NRG1: variants seen among roughly 807,000 people sequenced by gnomAD.
NRG1 encodes neuregulin 1, also known as pro-neuregulin-1, membrane-bound isoform.
Under a neutral mutation model 63.8 loss-of-function variants are expected in NRG1, and 18 were observed. That is an observed-to-expected ratio of 0.28 (90% confidence interval 0.19 to 0.42). The LOEUF (loss-of-function observed/expected upper bound fraction) is 0.42, where lower values mean the gene tolerates loss of function less well. Ranked by LOEUF, NRG1 falls within the 10% of genes least tolerant of loss-of-function variation. The pLI is 1.00. For synonymous variants in NRG1, 302 were observed against 301.3 expected (o/e 1.00, Z -0.02); for missense variants, 762 against 814.7 (o/e 0.94, Z 0.79).
intron 1 of NRG1, among the ~76,000 whole-genome samples, chr8:32,412,453 C>CACAT (rs1554532918): frequency 9.1e-4 from 70 of 76,754 alleles, no homozygotes; most frequent in African/African-American, 3.4e-3. Flanking sequence ...TATATATATA[C>CACAT]ATATATATAT....
intron 1 of NRG1, among the ~76,000 whole-genome samples, chr8:31,836,175 A>G (rs1586724801): frequency 6.6e-6 from 1 of 152,170 alleles, no homozygotes; most frequent in South Asian, 2.1e-4. Flanking sequence ...CTAGTTCATA[A>G]TTTCTTCCAC....
intron 1 of NRG1, among the ~76,000 whole-genome samples, chr8:31,772,469 G>A (rs566665704): frequency 5.3e-5 from 8 of 152,112 alleles, no homozygotes; most frequent in East Asian, 3.9e-4. Flanking sequence ...ATTTTCCTTC[G>A]GATTTTCTCA....
intron 1 of NRG1, among the ~76,000 whole-genome samples, chr8:32,320,579 C>T (rs1210029090): frequency 6.6e-6 from 1 of 152,094 alleles, no homozygotes; most frequent in Non-Finnish European, 1.5e-5. Flanking sequence ...GTGCTACACA[C>T]TTTTAAACAA....
intron 1 of NRG1, among the ~76,000 whole-genome samples, chr8:31,842,249 A>G (rs1356828317): frequency 6.6e-6 from 1 of 152,192 alleles, no homozygotes; most frequent in African/African-American, 2.4e-5. Context: ...ATTCTTTCAT[A>G]AGATCACCTG....
chr8:32,512,996 A>G (rs1350990220), intron 1 of NRG1, among the ~76,000 whole-genome samples: 1 of 152,156 alleles, frequency 6.6e-6, no homozygotes, highest in East Asian at 1.9e-4. Flanking sequence ...AGAATATCCA[A>G]ACAAAGACGG....
At chr8:31,938,744 A>G (rs1801315141) in intron 1 of NRG1, among the ~76,000 whole-genome samples, 1 of 152,214 alleles carries the variant, frequency 6.6e-6, no homozygotes, top group Admixed American at 6.5e-5. Flanking sequence ...AATCAAGGAC[A>G]CACTTAGAGA....
intron 5 of NRG1, among the ~76,000 whole-genome samples, chr8:32,685,122 T>TA (rs916356757): frequency 6.6e-5 from 10 of 152,060 alleles, no homozygotes; most frequent in African/African-American, 2.2e-4. Flanking sequence ...ATGTGACTAT[T>TA]AAAAAAAATT....
At chr8:32,386,012 A>T (rs1355280535) in intron 1 of NRG1, among the ~76,000 whole-genome samples, 2 of 152,172 alleles carry the variant, frequency 1.3e-5, no homozygotes, top group African/African-American at 2.4e-5. Flanking sequence ...ACTTTTGTTT[A>T]TTTATTTTTA....
chr8:31,662,903 A>G (rs1806143881), intron 1 of NRG1, among the ~76,000 whole-genome samples: 1 of 152,140 alleles, frequency 6.6e-6, no homozygotes, highest in Non-Finnish European at 1.5e-5. Context: ...CCTCCTGCTG[A>G]TAAGATATTT....
At chr8:32,374,215 T>A (rs1809316692) in intron 1 of NRG1, among the ~76,000 whole-genome samples, 1 of 152,190 alleles carries the variant, frequency 6.6e-6, no homozygotes, top group Non-Finnish European at 1.5e-5. Flanking sequence ...TTTTCCCAAG[T>A]GCCTATTAGA....
chr8:32,059,927 C>G (rs1823570633), intron 1 of NRG1, among the ~76,000 whole-genome samples: 1 of 151,882 alleles, frequency 6.6e-6, no homozygotes, highest in African/African-American at 2.4e-5. Context: ...CTCATGACTT[C>G]TGTCTTTATA....
At chr8:32,219,066 A>G (rs904205272) in intron 1 of NRG1, among the ~76,000 whole-genome samples, 1 of 152,172 alleles carries the variant, frequency 6.6e-6, no homozygotes, top group Non-Finnish European at 1.5e-5. Context: ...CTTACACAAT[A>G]CAGAAATATG....
At chr8:32,339,008 G>A (rs1490973238) in intron 1 of NRG1, among the ~76,000 whole-genome samples, 1 of 152,022 alleles carries the variant, frequency 6.6e-6, no homozygotes, top group East Asian at 1.9e-4. Flanking sequence ...CCCTGATAAA[G>A]CACATGAACA....
At chr8:31,669,014 C>T (rs1397363132) in intron 1 of NRG1, among the ~76,000 whole-genome samples, 1 of 152,140 alleles carries the variant, frequency 6.6e-6, no homozygotes, top group Admixed American at 6.6e-5. Context: ...GTTTCATATA[C>T]AACTTATACG....
Position 32,740,190 on chromosome 8 carries a change from C to CTTTT in NRG1, c.633-2466_633-2463dup, listed in dbSNP as rs35219061. On this transcript the variant is annotated intron_variant, in intron 6 of 11. Transcript: ENST00000356819. ...GTCTTTTTGAGAAATGACCCAACCTCTTTTTTTTTTTTTTTTTTTTTTGAG... is the reference window on the plus strand; with the variant it reads ...GTCTTTTTGAGAAATGACCCAACCTCTTTTTTTTTTTTTTTTTTTTTTTTTTGAG... Among the ~76,000 whole-genome samples, 450 of 92,478 alleles carry CTTTT rather than the reference C, an allele frequency of 4.9e-3. 12 individuals are homozygous for CTTTT. The highest frequency in any genetic ancestry group is 8.1e-3 in the Middle Eastern group (1 of 124). The allele number at this position is 92,478 out of a possible 152,430, so 60.7% of individuals were successfully genotyped here. A position where few individuals can be genotyped will look rare whatever the true frequency, so the allele number is the denominator to read the frequency against.
At chr8:31,722,851 A>G (rs527476811) in intron 1 of NRG1, among the ~76,000 whole-genome samples, 1 of 152,242 alleles carries the variant, frequency 6.6e-6, no homozygotes, top group African/African-American at 2.4e-5. Flanking sequence ...AAAAATGTTA[A>G]ATTTTAAAGG....
At chr8:32,193,178 C>A (rs748993497) in intron 1 of NRG1, among the ~76,000 whole-genome samples, 8 of 152,096 alleles carry the variant, frequency 5.3e-5, no homozygotes, top group Non-Finnish European at 8.8e-5. Context: ...TTCAGAACAG[C>A]CAGGGCTGGG....
chr8:32,664,739 A>G lies in NRG1; in HGVS notation c.502+47854A>G, dbSNP rs113029214. Among the ~76,000 whole-genome samples, 40 of 152,270 alleles carry G rather than the reference A, an allele frequency of 2.6e-4. No homozygotes were observed. The East Asian group carries it at 6.6e-3, about 25-fold the overall frequency. ...CTAAGGAAGACTATGAGGAAGGAAT[A>G]CCACTGAACTAATTGAATGCGGAGA... On this transcript the variant is annotated intron_variant, in intron 5 of 11. Transcript: ENST00000356819.
At chr8:32,033,169 A>G (rs1233045465) in intron 1 of NRG1, among the ~76,000 whole-genome samples, 1 of 144,062 alleles carries the variant, frequency 6.9e-6, no homozygotes, top group Non-Finnish European at 1.5e-5. Flanking sequence ...ATCTTGGCTC[A>G]CTGCAAGCTC....
Sources: gnomAD v4.1 joint callset for allele counts (sites outside exome capture counted in the v4.1 genomes callset) on GRCh38, gnomAD v4.1.1 for gene constraint, MANE v1.5 for transcripts, NCBI Gene and HGNC (gene_info 2026-07-23, HGNC 2026-07-21) for gene names.